PEBP4: variants seen among roughly 807,000 people sequenced by gnomAD.
PEBP4 encodes phosphatidylethanolamine-binding protein 4.
Under a neutral mutation model 23.9 loss-of-function variants are expected in PEBP4, and 22 were observed. That is an observed-to-expected ratio of 0.92 (90% CI 0.66 to 1.31). PEBP4 has a LOEUF of 1.31. PEBP4 is among the 40% of genes most tolerant of loss of function. PEBP4 has a pLI of 0.00. For synonymous variants in PEBP4, 112 were observed against 99.3 expected, an observed-to-expected ratio of 1.13 and a Z score of -0.76; for missense variants, 324 against 281.7, an observed-to-expected ratio of 1.15 and a Z score of -1.07.
In PEBP4 at chr8:22,878,225, A is replaced by AGAGGGAGGGAGG. The variant is rs1157364561; in HGVS notation, c.258+41947_258+41958dup. The AGAGGGAGGGAGG allele has an allele frequency of 5.5e-3, 692 of 126,072 alleles. 4 individuals are homozygous for AGAGGGAGGGAGG. Among genetic ancestry groups the AGAGGGAGGGAGG allele is most frequent in the African/African-American group, 0.019 (670 of 34,628 alleles). 7.8% of individuals were successfully genotyped at this position (126,072 alleles called of 1,614,324 possible). A position where few individuals can be genotyped will look rare whatever the true frequency, so the allele number is the denominator to read the frequency against. On this transcript the variant is annotated intron_variant, in intron 3 of 6. Coordinates refer to ENST00000256404, the MANE Select transcript of PEBP4 (RefSeq NM_144962.3). The stretch of plus-strand genomic sequence containing the variant: ...AGGGTGAGCATGGAGAGGGAGGGGG[A>AGAGGGAGGGAGG]GAGGGAGGGAGGGAGGGAGGGAGGG...
intron 3 of PEBP4, among the ~76,000 whole-genome samples, chr8:22,908,395 A>AACAAAC (rs551349784): frequency 7.6e-6 from 1 of 132,162 alleles, no homozygotes; most frequent in Non-Finnish European, 1.6e-5. Flanking sequence ...CAAACAAACA[A>AACAAAC]AAAAAAAAAC....
chr8:22,760,771 G>C (rs950022895), intron 4 of PEBP4, among the ~76,000 whole-genome samples: 2 of 152,110 alleles, frequency 1.3e-5, no homozygotes, highest in African/African-American at 4.8e-5. Context: ...GAGAAGGCTT[G>C]TGCAAACCCC....
intron 3 of PEBP4, among the ~76,000 whole-genome samples, chr8:22,903,277 A>G (rs1808747015): frequency 6.6e-6 from 1 of 152,230 alleles, no homozygotes; most frequent in African/African-American, 2.4e-5. Flanking sequence ...ACCTTGGACA[A>G]GTTGCTTAAC....
intron 2 of PEBP4, among the ~76,000 whole-genome samples, chr8:22,925,742 G>C (rs1017876880): frequency 6.6e-6 from 1 of 152,128 alleles, no homozygotes; most frequent in Non-Finnish European, 1.5e-5. Context: ...GAACTGCTGA[G>C]GTCCTCCTTA....
intron 3 of PEBP4, among the ~76,000 whole-genome samples, chr8:22,829,049 C>T (rs1157778306): frequency 6.6e-6 from 1 of 152,224 alleles, no homozygotes; most frequent in African/African-American, 2.4e-5. Context: ...TAACTCCTTT[C>T]TCAAAGCCCA....
intron 1 of PEBP4, among the ~76,000 whole-genome samples, chr8:22,940,201 C>T (rs1809591389): frequency 6.6e-6 from 1 of 152,160 alleles, no homozygotes; most frequent in East Asian, 1.9e-4. Flanking sequence ...GGGGATCCTT[C>T]TTCCTATATC....
At chr8:22,847,119 T>C (rs910516281) in intron 3 of PEBP4, among the ~76,000 whole-genome samples, 1 of 152,240 alleles carries the variant, frequency 6.6e-6, no homozygotes, top group Non-Finnish European at 1.5e-5. Flanking sequence ...AAGTCATTTT[T>C]CTTTACGTTA....
intron 4 of PEBP4, among the ~76,000 whole-genome samples, chr8:22,785,956 G>T (rs974082235): frequency 5.9e-5 from 9 of 152,128 alleles, no homozygotes; most frequent in African/African-American, 1.9e-4. Context: ...TCACTTCTTT[G>T]AACCACAGCT....
intron 2 of PEBP4, among the ~76,000 whole-genome samples, chr8:22,922,544 G>T (rs1285894991): frequency 6.7e-6 from 1 of 148,220 alleles, no homozygotes; most frequent in African/African-American, 2.5e-5. Context: ...AGGCAACATA[G>T]TGAGACCCTG....
At chr8:22,818,344 C>G (rs1268679095) in intron 3 of PEBP4, among the ~76,000 whole-genome samples, 2 of 151,904 alleles carry the variant, frequency 1.3e-5, no homozygotes, top group Non-Finnish European at 2.9e-5. Context: ...AGCAAGGGAA[C>G]GTGTGAGTAG....
At chr8:22,826,552 CA>C (rs1273069644) in intron 3 of PEBP4, among the ~76,000 whole-genome samples, 2 of 152,152 alleles carry the variant, frequency 1.3e-5, no homozygotes, top group Non-Finnish European at 2.9e-5. Flanking sequence ...GATATGTACT[CA>C]GAGTGGAAAA....
intron 4 of PEBP4, among the ~76,000 whole-genome samples, chr8:22,811,324 G>A (rs540847133): frequency 9.9e-5 from 15 of 152,278 alleles, no homozygotes; most frequent in Non-Finnish European, 1.8e-4. Context: ...AGCTAATTTG[G>A]CTCTTATCTC....
At chr8:22,759,456 C>T (rs541315312) in intron 4 of PEBP4, among the ~76,000 whole-genome samples, 4 of 152,110 alleles carry the variant, frequency 2.6e-5, no homozygotes, top group Non-Finnish European at 4.4e-5. Context: ...GGCGCTGGGC[C>T]GGATCTTTGT....
chr8:22,846,607 G>C (rs1237425650), intron 3 of PEBP4, among the ~76,000 whole-genome samples: 3 of 152,158 alleles, frequency 2.0e-5, no homozygotes, highest in East Asian at 3.9e-4. Context: ...GGGAGTCTAG[G>C]TTTGCACCCC....
At chr8:22,850,783 A>G (rs955975152) in intron 3 of PEBP4, among the ~76,000 whole-genome samples, 6 of 152,238 alleles carry the variant, frequency 3.9e-5, no homozygotes, top group African/African-American at 1.4e-4. Context: ...GCATATAGTC[A>G]GTGTTACTAA....
intron 3 of PEBP4, among the ~76,000 whole-genome samples, chr8:22,835,665 G>A (rs1807188310): frequency 6.6e-6 from 1 of 152,088 alleles, no homozygotes; most frequent in African/African-American, 2.4e-5. Context: ...CCAGCAATGG[G>A]TCCCCCACTA....
chr8:22,855,006 A>G (rs913370576), intron 3 of PEBP4, among the ~76,000 whole-genome samples: 2,033 of 18,338 alleles, frequency 0.11, 16 homozygotes, highest in Non-Finnish European at 0.13. Context: ...GCACGCACAC[A>G]CACACACACA....
At chr8:22,725,881 G>A (rs1253983786) in intron 5 of PEBP4, among the ~76,000 whole-genome samples, 1 of 152,162 alleles carries the variant, frequency 6.6e-6, no homozygotes, top group African/African-American at 2.4e-5. Flanking sequence ...GCTGCTTGGA[G>A]CACTGGAAGA....
chr8:22,797,372 A>G (rs1054914840), intron 4 of PEBP4, among the ~76,000 whole-genome samples: 1 of 152,058 alleles, frequency 6.6e-6, no homozygotes. Flanking sequence ...CGAGGTGATC[A>G]TGCAGCCCAG....
Sources: gnomAD v4.1 joint callset for allele counts (sites outside exome capture counted in the v4.1 genomes callset) on GRCh38, gnomAD v4.1.1 for gene constraint, MANE v1.5 for transcripts, NCBI Gene and HGNC (gene_info 2026-07-23, HGNC 2026-07-21) for gene names.